The following LINGO2 variants were observed in gnomAD, a reference collection of about 807,000 sequenced individuals.
LINGO2 encodes leucine rich repeat and Ig domain containing 2, also known as leucine-rich repeat and immunoglobulin-like domain-containing nogo receptor-interacting protein 2.
In LINGO2, 14 loss-of-function variants were observed where a neutral mutation model predicts 30.6. The ratio of observed to expected loss-of-function variants is 0.46; its 90% CI spans 0.30 to 0.72. The LOEUF is 0.72. LINGO2 is among the 30% of genes least tolerant of loss of function. The pLI, the probability that LINGO2 is intolerant of heterozygous loss-of-function variation, is 0.07. For synonymous variants in LINGO2, 317 were observed against 288.5 expected (o/e 1.10, Z -1.00); for missense variants, 729 against 751.7 (o/e 0.97, Z 0.35).
chr9:27,978,306 CAGATA>C (rs1443775301), intron 5 of LINGO2, among the ~76,000 whole-genome samples: 1 of 152,020 alleles, frequency 6.6e-6, no homozygotes, highest in Non-Finnish European at 1.5e-5. Flanking sequence ...ATGGATCAAA[CAGATA>C]ACAACTAGAT....
the LINGO2 span, among the ~76,000 whole-genome samples, chr9:29,104,589 G>A: frequency 6.5e-3 from 996 of 152,240 alleles, no homozygotes; most frequent in Non-Finnish European, 9.8e-3. Flanking sequence ...AATATAAACA[G>A]AGAATAATAG....
At chr9:28,346,229 T>C (rs1587505574) in intron 3 of LINGO2, among the ~76,000 whole-genome samples, 1 of 152,172 alleles carries the variant, frequency 6.6e-6, no homozygotes, top group African/African-American at 2.4e-5. Context: ...TAGGCCCCAC[T>C]GTCTGTTGTT....
intron 4 of LINGO2, among the ~76,000 whole-genome samples, chr9:28,089,660 G>C (rs1826017586): frequency 6.6e-6 from 1 of 152,094 alleles, no homozygotes; most frequent in Admixed American, 6.5e-5. Context: ...AAGAACTAGA[G>C]AAGCAAGAGC....
chr9:28,357,035 A>G (rs773338419), intron 3 of LINGO2, among the ~76,000 whole-genome samples: 4 of 152,152 alleles, frequency 2.6e-5, no homozygotes, highest in Non-Finnish European at 4.4e-5. Flanking sequence ...ATTTCACTAA[A>G]TGAATGTGGC....
Position 27,950,416 on chromosome 9 carries a change from T to TC in LINGO2, c.255dup (p.Ile86AspfsTer5). 1 of 1,614,158 alleles carries TC rather than the reference T, an allele frequency of 6.2e-7. No individual in the cohort carries two copies. Among genetic ancestry groups the TC allele is most frequent in the Non-Finnish European group, 8.5e-7 (1 of 1,180,002 alleles). The stretch of plus-strand genomic sequence containing the variant: ...GCAATGATGTTGTCACTCAAGTCTA[T>TC]CTCTTCCAGCAGAGGATATGATATG... On this transcript the variant is annotated frameshift_variant, in exon 6 of 6. Transcript: ENST00000379992. LOFTEE classifies it high-confidence loss of function.
intron 1 of LINGO2, among the ~76,000 whole-genome samples, chr9:28,526,506 A>G (rs1260147316): frequency 6.6e-6 from 1 of 152,182 alleles, no homozygotes; most frequent in South Asian, 2.1e-4. Context: ...CCATAGACCT[A>G]CCCTATGATA....
chr9:29,113,192 C>T, the LINGO2 span, among the ~76,000 whole-genome samples: 1 of 152,108 alleles, frequency 6.6e-6, no homozygotes, highest in African/African-American at 2.4e-5. Flanking sequence ...TATAACATGT[C>T]TGAATATGAT....
the LINGO2 span, among the ~76,000 whole-genome samples, chr9:28,870,057 G>A: frequency 6.6e-6 from 1 of 151,368 alleles, no homozygotes; most frequent in South Asian, 2.1e-4. Flanking sequence ...TTTATATTGA[G>A]TCCCTCCTTC....
chr9:28,602,303 T>C lies in LINGO2; in HGVS notation c.-365+67897A>G, dbSNP rs189604790. Reference sequence around the variant, plus strand: ...CCCCATGTTGCAGGAGTCTGGCAAATAGAAACAAACAAACAAACAAACAAA... The same window carrying C: ...CCCCATGTTGCAGGAGTCTGGCAAACAGAAACAAACAAACAAACAAACAAA... On this transcript the variant is annotated intron_variant, in intron 1 of 5. Coordinates refer to ENST00000379992, the Ensembl canonical transcript of LINGO2. Among the ~76,000 whole-genome samples, 40 of 151,752 alleles carry C rather than the reference T, an allele frequency of 2.6e-4. No homozygotes were observed. The South Asian group carries it at 5.0e-3, about 19-fold the overall frequency.
the LINGO2 span, among the ~76,000 whole-genome samples, chr9:28,835,516 G>A: frequency 6.6e-6 from 1 of 152,060 alleles, no homozygotes; most frequent in African/African-American, 2.4e-5. Context: ...CAACACTTTA[G>A]AAACCCATTT....
chr9:28,572,831 T>C (rs1180246800), intron 1 of LINGO2, among the ~76,000 whole-genome samples: 1 of 152,138 alleles, frequency 6.6e-6, no homozygotes, highest in African/African-American at 2.4e-5. Context: ...TATATTGCCT[T>C]TATTCAAGGA....
intron 1 of LINGO2, among the ~76,000 whole-genome samples, chr9:28,571,019 G>A (rs2135592561): frequency 6.6e-6 from 1 of 151,514 alleles, no homozygotes; most frequent in East Asian, 1.9e-4. Context: ...AAGTAAACAG[G>A]AAAAAATTAC....
At chr9:28,422,694 C>T (rs1468679747) in intron 2 of LINGO2, among the ~76,000 whole-genome samples, 1 of 151,880 alleles carries the variant, frequency 6.6e-6, no homozygotes, top group African/African-American at 2.4e-5. Flanking sequence ...TAACTAAAAG[C>T]AAGATTTTGA....
chr9:29,074,809 A>G, the LINGO2 span, among the ~76,000 whole-genome samples: 2 of 147,602 alleles, frequency 1.4e-5, no homozygotes, highest in Non-Finnish European at 3.0e-5. Flanking sequence ...CTGGGACTAT[A>G]GGCACCCACC....
the LINGO2 span, among the ~76,000 whole-genome samples, chr9:29,102,795 C>T: frequency 0.24 from 36,592 of 151,930 alleles, 4,528 homozygotes; most frequent in East Asian, 0.4. Context: ...TTAAACATTA[C>T]ATCTAGAGAT....
At chr9:29,142,965 T>G in the LINGO2 span, among the ~76,000 whole-genome samples, 5 of 151,804 alleles carry the variant, frequency 3.3e-5, no homozygotes, top group Non-Finnish European at 5.9e-5. Context: ...AGATACAAAT[T>G]AACATTAAAA....
chr9:28,434,672 A>T (rs78570814), intron 2 of LINGO2, among the ~76,000 whole-genome samples: 4,714 of 152,128 alleles, frequency 0.031, 250 homozygotes, highest in African/African-American at 0.11. Flanking sequence ...TCAAGGCCAA[A>T]TTTTTTATCA....
At chr9:28,819,879 T>C in the LINGO2 span, among the ~76,000 whole-genome samples, 1 of 152,160 alleles carries the variant, frequency 6.6e-6, no homozygotes, top group Non-Finnish European at 1.5e-5. Context: ...TGGTAAACTC[T>C]CCTTTTATCA....
chr9:28,901,180 T>A, the LINGO2 span, among the ~76,000 whole-genome samples: 658 of 152,176 alleles, frequency 4.3e-3, 6 homozygotes, highest in African/African-American at 0.015. Context: ...AAAGTACTAA[T>A]GAAAAAACTC....
Sources: gnomAD v4.1 joint callset for allele counts (sites outside exome capture counted in the v4.1 genomes callset) on GRCh38, gnomAD v4.1.1 for gene constraint, MANE v1.5 for transcripts, NCBI Gene and HGNC (gene_info 2026-07-23, HGNC 2026-07-21) for gene names.